The following ABCB5 variants were observed in gnomAD, a reference collection of about 807,000 sequenced individuals.
ABCB5 encodes the protein ATP binding cassette subfamily B member 5.
ABCB5 carries 155 observed loss-of-function variants against 144.2 expected under a neutral mutation model. That is an observed-to-expected ratio of 1.08 (90% CI 0.94 to 1.23). The LOEUF (loss-of-function observed/expected upper bound fraction) is 1.23. ABCB5 is among the 50% of genes most tolerant of loss of function. The pLI is 0.00. For missense variants in ABCB5, 1,830 were observed against 1,520.8 expected (o/e 1.20, Z -3.38); for synonymous variants, 610 against 528.6 (o/e 1.15, Z -2.11).
At position 20,648,026 on chromosome 7, in the gene ABCB5, C is replaced by A. The variant is rs766485384; in HGVS notation, c.1154C>A (p.Thr385Asn). The A allele has an allele frequency of 9.3e-6, 15 of 1,611,950 alleles. No individual in the cohort carries two copies. The highest frequency in any genetic ancestry group is 1.7e-4 in the Middle Eastern group (1 of 6,014). The change falls in exon 11 of 28, where the codon ACT (threonine) becomes AAT (asparagine). Residue 385 changes from threonine to asparagine, a missense_variant. Coordinates refer to ENST00000404938, the MANE Select transcript of ABCB5 (RefSeq NM_001163941.2). ...TATAAACCTGAATCCATAGAAGGAACTGTGGAATTTAAAAATGTTTCTTTC... is the reference window on the plus strand; with the variant it reads ...TATAAACCTGAATCCATAGAAGGAAATGTGGAATTTAAAAATGTTTCTTTC... ...AGYKPESIEGTVEFKNVSFNY... is the reference protein window; with the variant it reads ...AGYKPESIEGNVEFKNVSFNY...
intron 14 of ABCB5, chr7:20,659,895 G>A (rs1036230685): frequency 1.0e-4 from 92 of 920,258 alleles, no homozygotes; most frequent in Non-Finnish European, 1.1e-4. Flanking sequence ...TGTTGACCAG[G>A]CTGGTCTCAA....
intron 20 of ABCB5, among the ~76,000 whole-genome samples, chr7:20,714,549 CA>C (rs1312988419): frequency 3.3e-5 from 5 of 152,190 alleles, no homozygotes; most frequent in Middle Eastern, 3.4e-3. Context: ...CTTCTTGGAA[CA>C]GAAGAAATAT....
At chr7:20,704,072 T>G (rs934821569) in intron 19 of ABCB5, among the ~76,000 whole-genome samples, 2 of 104,402 alleles carry the variant, frequency 1.9e-5, no homozygotes, top group Admixed American at 1.2e-4. Flanking sequence ...GTTTATTGCC[T>G]TCCTTTTTTT....
In ABCB5 at chr7:20,646,015, T is replaced by C; in HGVS notation, c.858T>C (p.Ala286=). The C allele has an allele frequency of 6.2e-7, 1 of 1,613,888 alleles. No individual in the cohort carries two copies. The highest frequency in any genetic ancestry group is 8.5e-7 in the Non-Finnish European group (1 of 1,179,810). ...AKDFGIKRTI[A]SKVSLGAVYF... ...ATTTTGGCATAAAAAGGACTATAGC[T>C]TCAAAAGTGTCTCTTGGTGCTGTGT... Residue 286 remains alanine (A), a synonymous_variant, in exon 9 of 28, where the codon GCT becomes GCC. Transcript: ENST00000404938.
intron 16 of ABCB5, among the ~76,000 whole-genome samples, chr7:20,689,332 C>A (rs1481894178): frequency 6.6e-6 from 1 of 152,126 alleles, no homozygotes; most frequent in Non-Finnish European, 1.5e-5. Flanking sequence ...TGGTACCTTG[C>A]TGGTGGGGCT....
chr7:20,628,300 T>C (rs1583377028), intron 3 of ABCB5, among the ~76,000 whole-genome samples: 1 of 152,130 alleles, frequency 6.6e-6, no homozygotes, highest in East Asian at 1.9e-4. Context: ...AGTATGATGG[T>C]TTCCAGCTTC....
intron 24 of ABCB5, among the ~76,000 whole-genome samples, chr7:20,741,860 T>C (rs1185165548): frequency 6.6e-6 from 1 of 152,120 alleles, no homozygotes; most frequent in Non-Finnish European, 1.5e-5. Context: ...AGACTTAAAA[T>C]GCAATTGAGA....
At chr7:20,749,713 TAAAC>T (rs1201620604) in intron 26 of ABCB5, among the ~76,000 whole-genome samples, 1 of 152,120 alleles carries the variant, frequency 6.6e-6, no homozygotes, top group Non-Finnish European at 1.5e-5. Context: ...GCACAGAAGG[TAAAC>T]AAACTTCCAT....
chr7:20,746,259 G>A lies in ABCB5; in HGVS notation c.3429+821G>A, dbSNP rs1171416547. Among the ~76,000 whole-genome samples the A allele has an allele frequency of 2.6e-5, 4 of 152,038 alleles. No homozygotes were observed. In the South Asian group the frequency reaches 6.2e-4, roughly 24 times the overall value. On this transcript the variant is annotated intron_variant, in intron 26 of 27. Transcript: ENST00000404938. Reference sequence around the variant, plus strand: ...ATTACAGGCATGTGCCATCACGCCCGGCTAATTTTTTGTATTTTTAGTAGA... The same window carrying A: ...ATTACAGGCATGTGCCATCACGCCCAGCTAATTTTTTGTATTTTTAGTAGA...
At chr7:20,629,429 G>C (rs1783983982) in intron 4 of ABCB5, among the ~76,000 whole-genome samples, 1 of 151,940 alleles carries the variant, frequency 6.6e-6, no homozygotes, top group Non-Finnish European at 1.5e-5. Flanking sequence ...CAAACGCTTG[G>C]GCCATCCCAG....
chr7:20,692,538 T>C (rs1037177782), intron 16 of ABCB5, among the ~76,000 whole-genome samples: 1 of 151,286 alleles, frequency 6.6e-6, no homozygotes, highest in Admixed American at 6.6e-5. Context: ...AATCTGAATA[T>C]ACACAAAGGA....
chr7:20,718,883 T>G (rs1453461387), intron 20 of ABCB5, among the ~76,000 whole-genome samples: 1 of 152,072 alleles, frequency 6.6e-6, no homozygotes, highest in Non-Finnish European at 1.5e-5. Context: ...AGTTAGAAAT[T>G]TAACAATAGG....
At position 20,658,733 on chromosome 7, in the gene ABCB5, G is replaced by A. The variant is rs1427970639; in HGVS notation, c.1707+57G>A. The A allele has an allele frequency of 1.7e-5, 26 of 1,574,050 alleles. No individual in the cohort carries two copies. In the South Asian group the frequency reaches 2.2e-4, roughly 13 times the overall value. On this transcript the variant is annotated intron_variant, in intron 14 of 27. Transcript: ENST00000404938. Reference sequence around the variant, plus strand: ...ACTCCTGGTTCATTATTGTTTTGAAGTACAAGAAAGTATAGATCTGTAATA... The same window carrying A: ...ACTCCTGGTTCATTATTGTTTTGAAATACAAGAAAGTATAGATCTGTAATA...
At chr7:20,627,677 C>G (rs7802772) in intron 3 of ABCB5, among the ~76,000 whole-genome samples, 18 of 131,382 alleles carry the variant, frequency 1.4e-4, no homozygotes, top group African/African-American at 4.8e-4. Flanking sequence ...ATCATTGACC[C>G]CCTTAAATAT....
In ABCB5 at chr7:20,635,051, C is replaced by G. The variant is rs1784122726; in HGVS notation, c.314+2938C>G. Among the ~76,000 whole-genome samples the G allele has an allele frequency of 2.0e-5, 3 of 152,058 alleles. No individual in the cohort carries two copies. The South Asian group carries it at 6.2e-4, about 31-fold the overall frequency. On this transcript the variant is annotated intron_variant, in intron 5 of 27. Coordinates refer to ENST00000404938, the MANE Select transcript of ABCB5 (RefSeq NM_001163941.2). ...ATCACTTCAGGTGTTAAATTTAAGT[C>G]TTTAATCCATCTTTAGTTGATGTTT...
chr7:20,742,841 G>A, intron 24 of ABCB5, 36 bp from the exon 25 acceptor site: 1 of 1,606,200 alleles, frequency 6.2e-7, no homozygotes, highest in South Asian at 1.1e-5. Context: ...ACCTTCCCAA[G>A]TCATTCTTCT....
At chr7:20,707,735 C>T (rs1786864889) in intron 20 of ABCB5, among the ~76,000 whole-genome samples, 1 of 151,202 alleles carries the variant, frequency 6.6e-6, no homozygotes, top group African/African-American at 2.4e-5. Context: ...GTATTAATTC[C>T]AAAAACCCAG....
chr7:20,682,133 A>G (rs1562560085), intron 15 of ABCB5, among the ~76,000 whole-genome samples: 1 of 152,128 alleles, frequency 6.6e-6, no homozygotes, highest in Admixed American at 6.5e-5. Flanking sequence ...TGAACTAGGG[A>G]GTCGGAGGTT....
chr7:20,684,812 A>C (rs965650142), intron 15 of ABCB5, among the ~76,000 whole-genome samples: 4 of 152,192 alleles, frequency 2.6e-5, no homozygotes, highest in Non-Finnish European at 5.9e-5. Flanking sequence ...GTGTCCCTGG[A>C]AACTCTTCCA....
Sources: gnomAD v4.1 joint callset for allele counts (sites outside exome capture counted in the v4.1 genomes callset) on GRCh38, gnomAD v4.1.1 for gene constraint, MANE v1.5 for transcripts, NCBI Gene and HGNC (gene_info 2026-07-23, HGNC 2026-07-21) for gene names.